Variants in CSMD3 observed in about 807,000 individuals in gnomAD.
The protein encoded by CSMD3 is CUB and sushi domain-containing protein 3.
In CSMD3, 177 loss-of-function variants were observed where a neutral mutation model predicts 435.2. The ratio of observed to expected loss-of-function variants is 0.41; its 90% CI spans 0.36 to 0.46. The LOEUF (loss-of-function observed/expected upper bound fraction) is 0.46. CSMD3 is among the 20% of genes least tolerant of loss of function. The pLI is 0.34. For synonymous variants in CSMD3, 1,656 were observed against 1,520.5 expected (o/e 1.09, Z -2.07); for missense variants, 4,265 against 4,504.6 (o/e 0.95, Z 1.52).
rs923519773 is a variant in CSMD3 at position 113,436,243 on chromosome 8, C to T, written c.178+434G>A. On this transcript the variant is annotated intron_variant, in intron 1 of 70. Coordinates refer to ENST00000297405, the MANE Select transcript of CSMD3 (RefSeq NM_198123.2). ...TAAAATCAACACATTCCTAGCACGT[C>T]GATAACTTTCTTCCCTGAAAGGGTT... Among the ~76,000 whole-genome samples, 8 of 152,142 alleles carry T rather than the reference C, an allele frequency of 5.3e-5. No homozygotes were observed. The East Asian group carries it at 1.5e-3, about 29-fold the overall frequency.
intron 5 of CSMD3, among the ~76,000 whole-genome samples, chr8:113,061,255 A>G (rs1422140781): frequency 7.2e-5 from 11 of 152,144 alleles, no homozygotes; most frequent in Admixed American, 7.2e-4. Flanking sequence ...GTCCCTGAAA[A>G]TTGTAGCTAC....
At chr8:112,655,096 TAGATA>T (rs371929419) in intron 18 of CSMD3, among the ~76,000 whole-genome samples, 27 of 152,176 alleles carry the variant, frequency 1.8e-4, no homozygotes, top group African/African-American at 6.5e-4. Context: ...AACAATACTG[TAGATA>T]AGATGATTTA....
intron 1 of CSMD3, among the ~76,000 whole-genome samples, chr8:113,366,095 T>C (rs895167404): frequency 2.0e-5 from 3 of 152,078 alleles, no homozygotes; most frequent in African/African-American, 7.2e-5. Flanking sequence ...GGGGCAAGAA[T>C]ACTCTAGGAT....
chr8:112,889,672 G>A (rs1381745525), intron 10 of CSMD3, among the ~76,000 whole-genome samples: 1 of 151,640 alleles, frequency 6.6e-6, no homozygotes, highest in African/African-American at 2.4e-5. Context: ...CGGCGGTTAT[G>A]TTGGTCCTGT....
intron 30 of CSMD3, among the ~76,000 whole-genome samples, chr8:112,493,796 T>A (rs1298763295): frequency 1.3e-5 from 2 of 152,132 alleles, no homozygotes; most frequent in African/African-American, 4.8e-5. Flanking sequence ...CAGATCTGGA[T>A]GAGGCCTTGA....
intron 16 of CSMD3, among the ~76,000 whole-genome samples, chr8:112,673,234 C>T (rs77954447): frequency 0.013 from 1,927 of 151,434 alleles, 36 homozygotes; most frequent in African/African-American, 0.043. Context: ...TCTCTCAAAC[C>T]TCAGCACACT....
intron 3 of CSMD3, among the ~76,000 whole-genome samples, chr8:113,248,098 C>A (rs939763599): frequency 6.6e-6 from 1 of 151,914 alleles, no homozygotes. Flanking sequence ...AAATTTATTC[C>A]ACTGACATCA....
At chr8:112,530,450 G>A (rs140541471) in intron 27 of CSMD3, among the ~76,000 whole-genome samples, 1,977 of 152,262 alleles carry the variant, frequency 0.013, 128 homozygotes, top group Admixed American at 0.11. Flanking sequence ...AGCTCCATAA[G>A]AGTAGCTATT....
chr8:113,158,032 A>C (rs1286433188), intron 4 of CSMD3, among the ~76,000 whole-genome samples: 1 of 152,108 alleles, frequency 6.6e-6, no homozygotes, highest in African/African-American at 2.4e-5. Flanking sequence ...AAGTAGAAAA[A>C]GAAGGGTGGA....
intron 4 of CSMD3, among the ~76,000 whole-genome samples, chr8:113,115,523 T>C (rs1350347209): frequency 6.6e-6 from 1 of 152,186 alleles, no homozygotes; most frequent in African/African-American, 2.4e-5. Context: ...TTTTTGCATG[T>C]TTTGAACTTT....
chr8:113,383,256 T>A (rs565410308), intron 1 of CSMD3, among the ~76,000 whole-genome samples: 1 of 152,196 alleles, frequency 6.6e-6, no homozygotes, highest in Admixed American at 6.5e-5. Flanking sequence ...AGGGATGGGA[T>A]CAGTTTAAAT....
rs2130657754 is a variant in CSMD3, at chr8:112,289,521, G to C, written c.8992C>G (p.Pro2998Ala). The change falls in exon 57 of 71, where the codon CCT becomes GCT. Residue 2998 changes from proline to alanine, a missense_variant. Pro to Ala is a conservative substitution (Grantham distance 27). Around this residue, in one of 3 missense-constraint regions of CSMD3, gnomAD observed 3,255 missense variants for 3,380.2 expected, o/e 0.96. Transcript: ENST00000297405. ...AGGACTGCATTAGGAGGAACGCCAG[G>C]GTGTCCACAGTCAATCACTACAATA... is the stretch of plus-strand genomic sequence containing the variant. ...PECIMIDCGH[P>A]GVPPNAVLSG... 1 of 1,611,324 alleles carries C rather than the reference G, an allele frequency of 6.2e-7. No individual in the cohort carries two copies. Among genetic ancestry groups the C allele is most frequent in the Non-Finnish European group, 8.5e-7 (1 of 1,178,392 alleles).
At chr8:112,986,270 A>G (rs1431093812) in intron 6 of CSMD3, among the ~76,000 whole-genome samples, 1 of 152,178 alleles carries the variant, frequency 6.6e-6, no homozygotes, top group Non-Finnish European at 1.5e-5. Context: ...GGCATTCTGT[A>G]TATTATCTGG....
intron 22 of CSMD3, among the ~76,000 whole-genome samples, chr8:112,621,001 C>T (rs1834025291): frequency 6.6e-6 from 1 of 152,036 alleles, no homozygotes. Flanking sequence ...CTTTGGTAGG[C>T]CGAGGTGGGC....
chr8:112,832,294 A>G (rs2079899502), intron 11 of CSMD3, among the ~76,000 whole-genome samples: 1 of 152,102 alleles, frequency 6.6e-6, no homozygotes, highest in African/African-American at 2.4e-5. Context: ...TGTGGGCAAG[A>G]CCTATGAAAA....
chr8:113,234,924 C>T (rs187445658), intron 3 of CSMD3, among the ~76,000 whole-genome samples: 1 of 152,140 alleles, frequency 6.6e-6, no homozygotes, highest in African/African-American at 2.4e-5. Flanking sequence ...TGGAGCCAAA[C>T]TAAATGGTTC....
chr8:113,022,262 C>G (rs1478186428), intron 5 of CSMD3, among the ~76,000 whole-genome samples: 1 of 152,018 alleles, frequency 6.6e-6, no homozygotes, highest in Non-Finnish European at 1.5e-5. Context: ...ATTGTTATCC[C>G]TGTGTCAAAT....
At chr8:113,059,367 T>C (rs550792789) in intron 5 of CSMD3, among the ~76,000 whole-genome samples, 21 of 152,170 alleles carry the variant, frequency 1.4e-4, no homozygotes, top group Non-Finnish European at 2.8e-4. Flanking sequence ...GGAATGATCC[T>C]TTCACAGTAC....
intron 3 of CSMD3, among the ~76,000 whole-genome samples, chr8:113,239,498 T>TTATCTATCTATCTATCTATCTATCTATC (rs113240412): frequency 6.7e-6 from 1 of 149,004 alleles, no homozygotes; most frequent in African/African-American, 2.5e-5. Context: ...GTATGTAGTT[T>TTATCTATCTATCTATCTATCTATCTATC]TATCTATCTA....
Sources: allele counts gnomAD v4.1 joint callset (sites outside exome capture counted in the v4.1 genomes callset), GRCh38; gene constraint gnomAD v4.1.1; regional missense constraint gnomAD v4.1.1; transcripts MANE v1.5; gene names NCBI Gene and HGNC (gene_info 2026-07-23, HGNC 2026-07-21).